Variants in NOL4 observed in about 807,000 individuals in gnomAD.
The protein encoded by NOL4 is nucleolar protein 4.
In NOL4, 17 loss-of-function variants were observed where a neutral mutation model predicts 75.9. That is an observed-to-expected ratio of 0.22 (90% CI 0.15 to 0.34). The LOEUF (loss-of-function observed/expected upper bound fraction) is 0.34, where lower values mean the gene tolerates loss of function less well. Ranked by LOEUF, NOL4 falls within the 10% of genes least tolerant of loss-of-function variation. NOL4 has a pLI of 1.00. For synonymous variants in NOL4, 292 were observed against 289.9 expected, an observed-to-expected ratio of 1.01 and a Z score of -0.07; for missense variants, 614 against 793.5, an observed-to-expected ratio of 0.77 and a Z score of 2.72.
At chr18:33,938,186 G>A (rs1193593937) in intron 9 of NOL4, among the ~76,000 whole-genome samples, 1 of 151,934 alleles carries the variant, frequency 6.6e-6, no homozygotes, top group Non-Finnish European at 1.5e-5. Context: ...ACCTCTCTGG[G>A]CCGCAGTTTT....
intron 5 of NOL4, among the ~76,000 whole-genome samples, chr18:34,037,037 C>T (rs552303786): frequency 1.3e-5 from 2 of 152,160 alleles, no homozygotes; most frequent in South Asian, 4.1e-4. Context: ...CCAAAGATTC[C>T]ACCAAAAAAC....
intron 1 of NOL4, among the ~76,000 whole-genome samples, chr18:34,140,365 G>A (rs893584523): frequency 2.8e-4 from 42 of 152,146 alleles, no homozygotes; most frequent in African/African-American, 8.9e-4. Flanking sequence ...GGGTGCTCCT[G>A]TATTGGGTGC....
chr18:34,035,781 T>C (rs1366913006), intron 5 of NOL4, among the ~76,000 whole-genome samples: 1 of 151,018 alleles, frequency 6.6e-6, no homozygotes, highest in Admixed American at 6.6e-5. Flanking sequence ...AAATCAGAAA[T>C]GAAAATGGAG....
At chr18:33,934,332 C>A (rs931791366) in intron 9 of NOL4, among the ~76,000 whole-genome samples, 4 of 152,078 alleles carry the variant, frequency 2.6e-5, no homozygotes, top group Non-Finnish European at 5.9e-5. Context: ...TGAAAACTGA[C>A]TTTAACTTAA....
chr18:33,897,636 C>G (rs566277339), intron 9 of NOL4, among the ~76,000 whole-genome samples: 11 of 151,994 alleles, frequency 7.2e-5, no homozygotes, highest in Admixed American at 4.6e-4. Context: ...GGAAGAGGAG[C>G]AGAAAAGATA....
rs139510006 is a variant in NOL4 at position 34,094,576 on chromosome 18, G to A, written c.640-979C>T. 2.6e-3 allele frequency among the ~76,000 whole-genome samples: 401 copies of A among 152,274 alleles called. 1 individual carries two copies. The highest frequency in any genetic ancestry group is 8.8e-3 in the African/African-American group (365 of 41,566). ...CAGTCATTTTTCTGAAGCAAACTTC[G>A]TTTGGAGAACTGATTTTTGGACAAA... On this transcript the variant is annotated intron_variant, in intron 4 of 10. Coordinates refer to ENST00000261592, the MANE Select transcript of NOL4 (RefSeq NM_003787.5).
At chr18:33,870,785 A>T (rs1402728259) in intron 10 of NOL4, among the ~76,000 whole-genome samples, 1 of 152,090 alleles carries the variant, frequency 6.6e-6, no homozygotes, top group Non-Finnish European at 1.5e-5. Context: ...ACCAACAAAA[A>T]AAATCCTAAA....
chr18:34,141,291 T>G (rs1568386691), intron 1 of NOL4, among the ~76,000 whole-genome samples: 1 of 152,128 alleles, frequency 6.6e-6, no homozygotes. Context: ...GCCATCCCCA[T>G]CAAGCTACCA....
At chr18:34,218,326 T>C (rs961363286) in intron 1 of NOL4, among the ~76,000 whole-genome samples, 2 of 152,182 alleles carry the variant, frequency 1.3e-5, no homozygotes, top group East Asian at 1.9e-4. Context: ...AAGAAATATA[T>C]ACGAGTGCCA....
At chr18:34,060,350 T>C (rs1353934918) in intron 5 of NOL4, among the ~76,000 whole-genome samples, 1 of 152,166 alleles carries the variant, frequency 6.6e-6, no homozygotes, top group Non-Finnish European at 1.5e-5. Flanking sequence ...TTTGAACTAG[T>C]TTTTAATGAT....
intron 9 of NOL4, among the ~76,000 whole-genome samples, chr18:33,937,681 C>A (rs1175274888): frequency 2.0e-5 from 3 of 151,978 alleles, no homozygotes; most frequent in African/African-American, 7.3e-5. Flanking sequence ...GGGATCCCTG[C>A]CAATTACATG....
intron 9 of NOL4, among the ~76,000 whole-genome samples, chr18:33,937,669 G>A (rs1317457115): frequency 6.6e-6 from 1 of 152,120 alleles, no homozygotes. Context: ...TCAACTAATA[G>A]AGGGATCCCT....
chr18:33,868,174 G>T (rs2063521922), intron 10 of NOL4, among the ~76,000 whole-genome samples: 2 of 151,408 alleles, frequency 1.3e-5, no homozygotes, highest in Admixed American at 1.3e-4. Context: ...AGTATCTGGG[G>T]CTACAGGCCA....
rs967571846 is a variant in NOL4, at chr18:34,223,424, T to C, written c.-171A>G. On this transcript the variant is annotated 5_prime_UTR_variant, in exon 1 of 11. Coordinates refer to ENST00000261592, the MANE Select transcript of NOL4 (RefSeq NM_003787.5). ...ATGGGAAGAGGGGAGGAGGGTCCGG[T>C]TGGGCACCAGCAATCAATGCCCCGT... 6 of 854,856 alleles carry C rather than the reference T, an allele frequency of 7.0e-6. No homozygotes were observed. The highest frequency in any genetic ancestry group is 2.7e-5 in the East Asian group (1 of 37,480). The allele number at this position is 854,856 out of a possible 1,614,324, so 53.0% of individuals were successfully genotyped here. A position where few individuals can be genotyped will look rare whatever the true frequency, so the allele number is the denominator to read the frequency against.
chr18:33,863,310 T>C (rs1471747783), intron 10 of NOL4, among the ~76,000 whole-genome samples: 1 of 152,048 alleles, frequency 6.6e-6, no homozygotes, highest in Non-Finnish European at 1.5e-5. Flanking sequence ...TTGGGAGATA[T>C]ACCTAATGCT....
At chr18:33,966,915 T>C (rs1310883607) in intron 6 of NOL4, among the ~76,000 whole-genome samples, 1 of 152,112 alleles carries the variant, frequency 6.6e-6, no homozygotes, top group East Asian at 1.9e-4. Flanking sequence ...CCAAACAAAC[T>C]ACAGAGTCAA....
At chr18:34,122,522 TATA>T (rs2080191138) in intron 2 of NOL4, among the ~76,000 whole-genome samples, 1 of 152,158 alleles carries the variant, frequency 6.6e-6, no homozygotes, top group Non-Finnish European at 1.5e-5. Context: ...GTCACATTAT[TATA>T]ATATCTATAG....
At chr18:33,920,665 G>A (rs933241470) in intron 9 of NOL4, among the ~76,000 whole-genome samples, 5 of 152,156 alleles carry the variant, frequency 3.3e-5, no homozygotes, top group Non-Finnish European at 7.3e-5. Context: ...AACCATTTTA[G>A]TAGACTCCAG....
At chr18:33,853,136 C>A in intron 10 of NOL4, 101 bp from the exon 11 acceptor site, 6 of 988,492 alleles carry the variant, frequency 6.1e-6, no homozygotes, top group South Asian at 1.8e-5. Flanking sequence ...TTAATGAATT[C>A]TTCCACAAGA....
Sources: allele counts gnomAD v4.1 joint callset (sites outside exome capture counted in the v4.1 genomes callset), GRCh38; gene constraint gnomAD v4.1.1; transcripts MANE v1.5; gene names NCBI Gene and HGNC (gene_info 2026-07-23, HGNC 2026-07-21).